The following CLDN14 variants were observed in gnomAD, a reference collection of about 807,000 sequenced individuals.
The protein encoded by CLDN14 is claudin 14.
A neutral mutation model predicts 2.1 loss-of-function variants in CLDN14; 2 were observed. The ratio of observed to expected loss-of-function variants is 0.96; its 90% CI spans 0.39 to 3.01. CLDN14 has a LOEUF of 3.01. Ranked by LOEUF, CLDN14 falls within the 30% of genes most tolerant of loss-of-function variation. The pLI is 0.09. For missense variants in CLDN14, 298 were observed against 328.0 expected (o/e 0.91, Z 0.71); for synonymous variants, 136 against 154.4 (o/e 0.88, Z 0.88).
intron 1 of CLDN14, among the ~76,000 whole-genome samples, chr21:36,542,226 G>T (rs1262937708): frequency 6.6e-6 from 1 of 152,190 alleles, no homozygotes; most frequent in Non-Finnish European, 1.5e-5. Flanking sequence ...ACCTCCTAAA[G>T]TGCTGGGATT....
intron 1 of CLDN14, among the ~76,000 whole-genome samples, chr21:36,550,753 C>T (rs2087558035): frequency 6.6e-6 from 1 of 152,172 alleles, no homozygotes; most frequent in Admixed American, 6.5e-5. Flanking sequence ...TCTCTATCTG[C>T]TCACTGTCTA....
intron 2 of CLDN14, among the ~76,000 whole-genome samples, chr21:36,503,366 T>C (rs2409820): frequency 0.88 from 133,768 of 152,270 alleles, 59,451 homozygotes; most frequent in Middle Eastern, 0.93. Flanking sequence ...TATGGTTTGG[T>C]TCTGTCCCCA....
intron 1 of CLDN14, among the ~76,000 whole-genome samples, chr21:36,571,490 T>TA (rs1294916653): frequency 6.6e-6 from 1 of 152,190 alleles, no homozygotes; most frequent in East Asian, 1.9e-4. Context: ...CAGAGTGACT[T>TA]ACGAAATCCC....
At chr21:36,531,421 C>A (rs552486950) in intron 1 of CLDN14, among the ~76,000 whole-genome samples, 5 of 151,984 alleles carry the variant, frequency 3.3e-5, no homozygotes, top group Admixed American at 2.0e-4. Context: ...GCACGCACCA[C>A]CACGCTCAAA....
intron 2 of CLDN14, chr21:36,486,262 T>A (rs776359125): frequency 2.5e-6 from 2 of 813,778 alleles, no homozygotes; most frequent in Middle Eastern, 2.2e-4. Flanking sequence ...AGCAATCCCC[T>A]CTTCCTTAGG....
At chr21:36,543,807 G>A (rs939640268) in intron 1 of CLDN14, among the ~76,000 whole-genome samples, 2 of 152,146 alleles carry the variant, frequency 1.3e-5, no homozygotes, top group African/African-American at 4.8e-5. Context: ...CCAAATGTGG[G>A]ACACGGCCAA....
rs1004593942 is a variant in CLDN14 at position 36,499,755 on chromosome 21, A to G, written c.-82+10608T>C. On this transcript the variant is annotated intron_variant, in intron 2 of 2. Coordinates refer to the CLDN14 transcript ENST00000342108. This position sits in a 1 kb window ranked among gnomAD's most constrained non-coding sequence, Gnocchi z 4.7. ...GAGCCAAAGACAAATCGAGTGACGT[A>G]TTCTAGCTCATGGAGCCAGCTGGGC... Among the ~76,000 whole-genome samples, 2 of 152,198 alleles carry G rather than the reference A, an allele frequency of 1.3e-5. No individual in the cohort carries two copies. Among genetic ancestry groups the G allele is most frequent in the Non-Finnish European group, 2.9e-5 (2 of 68,032 alleles).
Position 36,498,419 on chromosome 21 carries a change from T to G in CLDN14, c.-82+11944A>C, listed in dbSNP as rs1488389468. ...GGAAGATCTATATGAACTTGTATTT[T>G]ACATCTCTTGTCTGGATTTAGCTGT... On this transcript the variant is annotated intron_variant, in intron 2 of 2. Coordinates refer to the CLDN14 transcript ENST00000342108. This position sits in a 1 kb window ranked among gnomAD's most constrained non-coding sequence, Gnocchi z 4.9. 6.6e-6 allele frequency among the ~76,000 whole-genome samples: 1 copy of G among 152,236 alleles called. No individual in the cohort carries two copies. The highest frequency in any genetic ancestry group is 1.5e-5 in the Non-Finnish European group (1 of 68,048).
At chr21:36,484,674 G>T (rs1408591954), upstream of CLDN14, among the ~76,000 whole-genome samples, 1 of 152,044 alleles carries the variant, frequency 6.6e-6, no homozygotes, top group Non-Finnish European at 1.5e-5. Context: ...TTCTTATAAG[G>T]ACACCTGTCA....
intron 1 of CLDN14, among the ~76,000 whole-genome samples, chr21:36,534,641 C>T (rs1007156992): frequency 1.3e-5 from 2 of 152,148 alleles, no homozygotes; most frequent in African/African-American, 2.4e-5. Flanking sequence ...CTCAGCGAGG[C>T]GCACACCTGG....
intron 2 of CLDN14, among the ~76,000 whole-genome samples, chr21:36,492,488 G>T (rs902197142): frequency 2.2e-4 from 32 of 148,744 alleles, no homozygotes; most frequent in Non-Finnish European, 5.9e-5. Flanking sequence ...TAGCTGCAGG[G>T]CATGGTGGCG....
Position 36,507,318 on chromosome 21 carries a change from A to G in CLDN14, c.-82+3045T>C, listed in dbSNP as rs139550300. ...TTTAGTGATGAGCCTTGGGGACCCC[A>G]TAAAACCCAGAGGAACATGTGGCAG... is the stretch of plus-strand genomic sequence containing the variant. On this transcript the variant is annotated intron_variant, in intron 2 of 2. Transcript: ENST00000342108. Among the ~76,000 whole-genome samples, 463 of 152,296 alleles carry G rather than the reference A, an allele frequency of 3.0e-3. 2 individuals are homozygous for G. The highest frequency in any genetic ancestry group is 0.028 in the South Asian group (137 of 4,830).
At chr21:36,496,533 T>C (rs2087019323) in intron 2 of CLDN14, among the ~76,000 whole-genome samples, 1 of 149,568 alleles carries the variant, frequency 6.7e-6, no homozygotes, top group South Asian at 2.1e-4. Flanking sequence ...CCCTCCAAAT[T>C]TAGAACCAGG....
Position 36,460,975 on chromosome 21 carries a change from C to T in CLDN14, c.*1G>A. The T allele has an allele frequency of 6.2e-7, 1 of 1,612,032 alleles. No homozygotes were observed. On this transcript the variant is annotated 3_prime_UTR_variant, in exon 2 of 2. Transcript: ENST00000399135. The surrounding 1 kb of genome is among the most constrained non-coding windows in gnomAD (Gnocchi z 4.0). ...CCAGGGGAGAAGCAGGCTGTGGGGA[C>T]TCACACGTAGTCGTTCAGCCTGTAC...
intron 1 of CLDN14, among the ~76,000 whole-genome samples, chr21:36,468,163 A>G (rs139076602): frequency 6.6e-6 from 1 of 152,360 alleles, no homozygotes; most frequent in East Asian, 1.9e-4. Context: ...TCAAATGAAC[A>G]TAGTCATTGG....
intron 2 of CLDN14, among the ~76,000 whole-genome samples, chr21:36,501,033 G>T (rs1239508609): frequency 6.6e-6 from 1 of 152,214 alleles, no homozygotes; most frequent in Non-Finnish European, 1.5e-5. Flanking sequence ...ACACCCGGGG[G>T]GTGCGGCTCA....
At chr21:36,467,477 T>G (rs1029825283) in intron 1 of CLDN14, among the ~76,000 whole-genome samples, 3 of 151,184 alleles carry the variant, frequency 2.0e-5, no homozygotes, top group Admixed American at 6.6e-5. Flanking sequence ...CTTCAGGGTG[T>G]GTGCTGGGGC....
At position 36,486,585 on chromosome 21, in the gene CLDN14, C is replaced by T. The variant is rs756264913; in HGVS notation, c.-82+23778G>A. The T allele has an allele frequency of 4.5e-6, 7 of 1,553,796 alleles. No individual in the cohort carries two copies. In the Admixed American group the frequency reaches 6.7e-5, roughly 15 times the overall value. The stretch of plus-strand genomic sequence containing the variant: ...TCAGCCAAGCTGGGCCCAGGAGGCA[C>T]TGCCACCAGATGAGAACCGCTTCCA... On this transcript the variant is annotated intron_variant, in intron 2 of 2. Transcript: ENST00000342108.
At chr21:36,520,339 G>A (rs762953674) in intron 1 of CLDN14, among the ~76,000 whole-genome samples, 6 of 152,188 alleles carry the variant, frequency 3.9e-5, no homozygotes, top group Non-Finnish European at 7.3e-5. Flanking sequence ...TGGTTTGGCT[G>A]TGTCCCCACC....
Sources: allele counts gnomAD v4.1 joint callset (sites outside exome capture counted in the v4.1 genomes callset), GRCh38; gene constraint gnomAD v4.1.1; non-coding constraint Gnocchi (gnomAD v3.1); transcripts MANE v1.5; gene names NCBI Gene and HGNC (gene_info 2026-07-23, HGNC 2026-07-21).